Variants in ABAT observed in about 807,000 individuals in gnomAD.
The protein encoded by ABAT is 4-aminobutyrate aminotransferase, also known as 4-aminobutyrate aminotransferase, mitochondrial.
ABAT carries 45 observed loss-of-function variants against 64.6 expected under a neutral mutation model. The ratio of observed to expected loss-of-function variants is 0.70; its 90% CI spans 0.55 to 0.89. The LOEUF (loss-of-function observed/expected upper bound fraction) is 0.89. Ranked by LOEUF, ABAT falls within the 40% of genes least tolerant of loss-of-function variation. ABAT has a pLI of 0.00. For missense variants in ABAT, 633 were observed against 658.4 expected, an observed-to-expected ratio of 0.96 and a Z score of 0.42; for synonymous variants, 297 against 250.5, an observed-to-expected ratio of 1.19 and a Z score of -1.75.
intron 1 of ABAT, among the ~76,000 whole-genome samples, chr16:8,734,105 A>G (rs1362474159): frequency 1.3e-5 from 2 of 152,212 alleles, no homozygotes; most frequent in Middle Eastern, 3.2e-3. Flanking sequence ...ATGGGTTAAA[A>G]TACCTCACTT....
chr16:8,760,201 A>G (rs2142874932), intron 6 of ABAT: 1 of 152,316 alleles, frequency 6.6e-6, no homozygotes, highest in Middle Eastern at 3.4e-3. Context: ...CTCCAAATCG[A>G]TCGCACCAAC....
intron 8 of ABAT, among the ~76,000 whole-genome samples, chr16:8,765,618 T>C (rs1336284770): frequency 3.3e-5 from 5 of 152,040 alleles, no homozygotes; most frequent in African/African-American, 1.2e-4. Flanking sequence ...TTAGCTGATA[T>C]CATGCTACTG....
At chr16:8,756,031 A>C (rs1292789840) in intron 5 of ABAT, among the ~76,000 whole-genome samples, 1 of 151,378 alleles carries the variant, frequency 6.6e-6, no homozygotes, top group Non-Finnish European at 1.5e-5. Context: ...CCTGGGCAAC[A>C]GAGCGAGACT....
At chr16:8,743,726 A>G (rs1428335004) in intron 2 of ABAT, among the ~76,000 whole-genome samples, 1 of 147,878 alleles carries the variant, frequency 6.8e-6, no homozygotes, top group Admixed American at 6.8e-5. Flanking sequence ...TATATAATAT[A>G]TATTTTTGTT....
At chr16:8,739,988 T>C (rs74008033) in intron 2 of ABAT, among the ~76,000 whole-genome samples, 18,050 of 151,622 alleles carry the variant, frequency 0.12, 1,139 homozygotes, top group South Asian at 0.18. Flanking sequence ...GGAATACGTG[T>C]ACTCTCGTAC....
rs139254146 is a variant in ABAT at position 8,684,304 on chromosome 16, G to A, written c.-42+9593G>A. On this transcript the variant is annotated intron_variant, in intron 1 of 15. Transcript: ENST00000268251. Reference sequence around the variant, plus strand: ...AAAGGAAGGATAGACAGCGTATGGTGGCTCGCACCTGCAATCCCAGCGCTT... The same window carrying A: ...AAAGGAAGGATAGACAGCGTATGGTAGCTCGCACCTGCAATCCCAGCGCTT... Among the ~76,000 whole-genome samples the A allele has an allele frequency of 4.0e-3, 616 of 152,286 alleles. 6 individuals carry two copies. The highest frequency in any genetic ancestry group is 0.014 in the African/African-American group (597 of 41,554).
rs115965940 is a variant in ABAT, at chr16:8,738,570, C to T, written c.70+2761C>T. On this transcript the variant is annotated intron_variant, in intron 2 of 15. Coordinates refer to ENST00000268251, the MANE Select transcript of ABAT (RefSeq NM_020686.6). ...GGTGGTTTTAAGAAGTTATCAATGG[C>T]TTTTGAGGTTTTGCTTTTCCTTTTT... The T allele has an allele frequency of 1.2e-3, 418 of 346,856 alleles. 1 individual carries two copies. Among genetic ancestry groups the T allele is most frequent in the African/African-American group, 8.5e-3 (351 of 41,326 alleles). 21.5% of individuals were successfully genotyped at this position (346,856 alleles called of 1,614,324 possible). A position where few individuals can be genotyped will look rare whatever the true frequency, so the allele number is the denominator to read the frequency against.
At chr16:8,738,572 T>A (rs1436362706) in intron 2 of ABAT, 1 of 397,334 alleles carries the variant, frequency 2.5e-6, no homozygotes, top group Non-Finnish European at 4.9e-6. Context: ...ATCAATGGCT[T>A]TTGAGGTTTT....
Position 8,733,150 on chromosome 16 carries a change from AC to A in ABAT, c.-41-2548del, listed in dbSNP as rs1437445368. The stretch of plus-strand genomic sequence containing the variant: ...TGACCCCCCCCCACCTCCCTCCCGG[AC>A]GGGGTGGCTGCCAGGCGGAGACGCT... On this transcript the variant is annotated intron_variant, in intron 1 of 15. Transcript: ENST00000268251. 2.2e-4 allele frequency among the ~76,000 whole-genome samples: 32 copies of A among 145,244 alleles called. No homozygotes were observed. In the East Asian group the frequency reaches 5.5e-3, roughly 25 times the overall value.
intron 1 of ABAT, among the ~76,000 whole-genome samples, chr16:8,681,526 G>A (rs2057333399): frequency 6.8e-6 from 1 of 146,786 alleles, no homozygotes; most frequent in Admixed American, 7.0e-5. Flanking sequence ...GCATGATCAT[G>A]TTTACCTGGA....
chr16:8,720,258 T>C (rs1425904980), intron 1 of ABAT, among the ~76,000 whole-genome samples: 1 of 152,344 alleles, frequency 6.6e-6, no homozygotes, highest in Admixed American at 6.5e-5. Flanking sequence ...CTTCCCATTT[T>C]ACAGATGCAG....
At chr16:8,690,893 C>T (rs147944256) in intron 1 of ABAT, among the ~76,000 whole-genome samples, 3 of 152,012 alleles carry the variant, frequency 2.0e-5, no homozygotes, top group East Asian at 1.9e-4. Context: ...TGTAGGTGGC[C>T]GCTGTGTTCT....
chr16:8,758,606 T>C (rs918317041), intron 6 of ABAT, among the ~76,000 whole-genome samples: 8 of 151,984 alleles, frequency 5.3e-5, no homozygotes, highest in African/African-American at 1.9e-4. Context: ...GTCCTGTGCA[T>C]TGAGACATTG....
chr16:8,704,030 A>G (rs2057884933), intron 1 of ABAT, among the ~76,000 whole-genome samples: 3 of 152,194 alleles, frequency 2.0e-5, no homozygotes, highest in African/African-American at 7.2e-5. Context: ...CAGAAATTTG[A>G]GACTTCTTAA....
At chr16:8,700,453 T>A (rs998132542) in intron 1 of ABAT, among the ~76,000 whole-genome samples, 2 of 152,066 alleles carry the variant, frequency 1.3e-5, no homozygotes, top group Non-Finnish European at 2.9e-5. Context: ...CCCAGAAAGT[T>A]CCCTCATACC....
chr16:8,733,253 TCCTCACTTCCTA>T (rs1466835673), intron 1 of ABAT, among the ~76,000 whole-genome samples: 6 of 150,050 alleles, frequency 4.0e-5, no homozygotes, highest in Non-Finnish European at 8.8e-5. Context: ...GCAGAGACGC[TCCTCACTTCCTA>T]GATGTGATGG....
chr16:8,717,646 T>C (rs1246623464), intron 1 of ABAT, among the ~76,000 whole-genome samples: 1 of 152,200 alleles, frequency 6.6e-6, no homozygotes, highest in Admixed American at 6.5e-5. Context: ...CCTCTTTCTG[T>C]TCCTTCTTTT....
intron 10 of ABAT, 34 bp from the exon 11 acceptor site, chr16:8,768,791 C>G (rs1240159913): frequency 1.2e-6 from 2 of 1,613,852 alleles, no homozygotes; most frequent in East Asian, 4.5e-5. Context: ...CTTCCCCAAG[C>G]CAAGCGTCTG....
At chr16:8,747,867 T>G (rs1043390901) in intron 3 of ABAT, among the ~76,000 whole-genome samples, 4 of 152,228 alleles carry the variant, frequency 2.6e-5, no homozygotes, top group African/African-American at 4.8e-5. Context: ...TTAGTTTATT[T>G]TATCTTTCAG....
Sources: gnomAD v4.1 joint callset for allele counts (sites outside exome capture counted in the v4.1 genomes callset) on GRCh38, gnomAD v4.1.1 for gene constraint, MANE v1.5 for transcripts, NCBI Gene and HGNC (gene_info 2026-07-23, HGNC 2026-07-21) for gene names.